The following ST13 variants were observed in gnomAD, a reference collection of about 807,000 sequenced individuals.
ST13 encodes the protein ST13 Hsp70 interacting protein.
ST13 carries 23 observed loss-of-function variants against 56.7 expected under a neutral mutation model. That is an observed-to-expected ratio of 0.41 (90% CI 0.29 to 0.57). The LOEUF is 0.57. Among genes scored for constraint, ST13 ranks in the 20% least tolerant of loss-of-function variants. The probability of loss-of-function intolerance (pLI) is 0.36; values close to 1 mark genes in which losing one functional copy is unlikely to be tolerated. For missense variants in ST13, 369 were observed against 459.9 expected, an observed-to-expected ratio of 0.80 and a Z score of 1.81; for synonymous variants, 132 against 142.4, an observed-to-expected ratio of 0.93 and a Z score of 0.52.
intron 10 of ST13, among the ~76,000 whole-genome samples, chr22:40,828,228 A>G (rs1204055999): frequency 6.6e-6 from 1 of 152,214 alleles, no homozygotes; most frequent in Non-Finnish European, 1.5e-5. Flanking sequence ...TTGTTCGATT[A>G]TAAACCCAAA....
rs1012822933 is a variant in ST13, at chr22:40,835,805, G to T, written c.465C>A (p.Ala155=). 1.9e-6 allele frequency: 3 copies of T among 1,613,582 alleles called. No homozygotes were observed. The African/African-American group carries it at 4.0e-5, about 22-fold the overall frequency. Residue 155 remains alanine (A), a splice_region_variant and synonymous_variant, in exon 6 of 12, where the codon GCC becomes GCA. Transcript: ENST00000216218. ...GCTTTTCTGTTTAGAGTTCTCACCTGGCCCTCTTGGCATACAAAATGGCCA... is the reference window on the plus strand; with the variant it reads ...GCTTTTCTGTTTAGAGTTCTCACCTTGCCCTCTTGGCATACAAAATGGCCA... ...PRLAILYAKR[A]SVFVKLQKPN... is the part of the protein sequence containing the mutation.
chr22:40,854,227 G>C (rs904073148), intron 1 of ST13, among the ~76,000 whole-genome samples: 3 of 152,132 alleles, frequency 2.0e-5, no homozygotes, highest in Non-Finnish European at 2.9e-5. Flanking sequence ...CCACAATCTC[G>C]AACTGCAGAC....
intron 7 of ST13, 183 bp downstream of exon 7, chr22:40,835,377 C>CT (rs574474442): frequency 8.2e-3 from 3,482 of 425,480 alleles, no homozygotes; most frequent in Middle Eastern, 0.015. Context: ...TTTTAAATTT[C>CT]TTTTTTTTTT....
rs374255898 is a variant in ST13, at chr22:40,827,235, A to T, written c.848-6T>A. 21 of 1,613,392 alleles carry T rather than the reference A, an allele frequency of 1.3e-5. No individual in the cohort carries two copies. The highest frequency in any genetic ancestry group is 1.8e-5 in the Non-Finnish European group (21 of 1,179,786). ...CATTCCCCCAGGAAAGCCACCTGTA[A>T]TAAAAAATGAATAGACACTAATCAT... On this transcript the variant is annotated splice_region_variant and splice_polypyrimidine_tract_variant and intron_variant, in intron 10 of 11. Transcript: ENST00000216218.
intron 10 of ST13, 46 bp downstream of exon 10, chr22:40,829,580 C>A: frequency 1.1e-6 from 1 of 910,564 alleles, no homozygotes; most frequent in Non-Finnish European, 1.5e-6. Context: ...ATTAAAATAT[C>A]ACTGTATAAT....
intron 9 of ST13, among the ~76,000 whole-genome samples, chr22:40,830,128 C>A (rs917010966): frequency 9.9e-5 from 15 of 151,946 alleles, no homozygotes; most frequent in African/African-American, 3.4e-4. Flanking sequence ...AAATAAATAT[C>A]CCTCATATGT....
intron 7 of ST13, among the ~76,000 whole-genome samples, chr22:40,834,425 G>A (rs144140635): frequency 2.6e-5 from 4 of 152,076 alleles, no homozygotes; most frequent in South Asian, 2.1e-4. Context: ...GTAAAACTAG[G>A]ACAAAAATTT....
chr22:40,842,785 A>G (rs759440823), intron 4 of ST13, among the ~76,000 whole-genome samples: 36 of 152,250 alleles, frequency 2.4e-4, no homozygotes, highest in Non-Finnish European at 4.8e-4. Context: ...ATCAATAAAC[A>G]TAACATTTAA....
At position 40,851,653 on chromosome 22, in the gene ST13, G is replaced by A. The variant is rs568557733; in HGVS notation, c.111-773C>T. 5.9e-5 allele frequency among the ~76,000 whole-genome samples: 9 copies of A among 152,152 alleles called. No individual in the cohort carries two copies. The East Asian group carries it at 1.4e-3, about 23-fold the overall frequency. ...GCACTCCACAACAGTTGGAAGCAAC[G>A]TAGACATTATTAAAATTTGCCTTAA... On this transcript the variant is annotated intron_variant, in intron 1 of 11. Coordinates refer to ENST00000216218, the MANE Select transcript of ST13 (RefSeq NM_003932.5).
chr22:40,842,478 T>C (rs552346228), intron 4 of ST13, among the ~76,000 whole-genome samples: 2 of 152,226 alleles, frequency 1.3e-5, no homozygotes, highest in Admixed American at 1.3e-4. Context: ...TCAAAAAGAT[T>C]TGAAGTACCA....
At chr22:40,848,417 G>T (rs780296886) in intron 2 of ST13, 48 bp from the exon 3 acceptor site, 2 of 1,216,946 alleles carry the variant, frequency 1.6e-6, no homozygotes, top group Admixed American at 1.7e-5. Context: ...ATAACATACC[G>T]AATATTTATA....
At chr22:40,827,052 T>G in intron 11 of ST13, 44 bp downstream of exon 11, 1 of 1,587,856 alleles carries the variant, frequency 6.3e-7, no homozygotes, top group Non-Finnish European at 8.6e-7. Flanking sequence ...ATGAAAGAAT[T>G]GCCTTAATGA....
At chr22:40,854,377 TGCCATGATGCTTCACCCCATACTTCA>T (rs1474984183) in intron 1 of ST13, among the ~76,000 whole-genome samples, 2 of 152,222 alleles carry the variant, frequency 1.3e-5, no homozygotes, top group Non-Finnish European at 1.5e-5. Context: ...TCCCTACATA[TGCCATGATGCTTCACCCCATACTTCA>T]GCCAACTCAG....
In ST13 at chr22:40,848,288, C is replaced by A; in HGVS notation, c.244+6G>T. 6.2e-7 allele frequency: 1 copy of A among 1,607,324 alleles called. No homozygotes were observed. The highest frequency in any genetic ancestry group is 8.5e-7 in the Non-Finnish European group (1 of 1,173,942). ...TTCAAATACAAACTAACTACCGTCTCCTCACCTAGATCACTTTCCTCACTT... is the reference window on the plus strand; with the variant it reads ...TTCAAATACAAACTAACTACCGTCTACTCACCTAGATCACTTTCCTCACTT... On this transcript the variant is annotated splice_donor_region_variant and intron_variant, in intron 3 of 11. Coordinates refer to ENST00000216218, the MANE Select transcript of ST13 (RefSeq NM_003932.5).
chr22:40,854,822 T>G (rs376980495), intron 1 of ST13, among the ~76,000 whole-genome samples: 1 of 152,226 alleles, frequency 6.6e-6, no homozygotes, highest in African/African-American at 2.4e-5. Context: ...CTTAAGGCTT[T>G]TGGATCATCA....
intron 8 of ST13, among the ~76,000 whole-genome samples, chr22:40,831,621 G>A (rs2057754431): frequency 6.6e-6 from 1 of 151,990 alleles, no homozygotes; most frequent in African/African-American, 2.4e-5. Context: ...ATTTTAAGAA[G>A]AAAACAGAAA....
chr22:40,845,251 G>A (rs946499241), intron 3 of ST13, among the ~76,000 whole-genome samples: 1 of 152,094 alleles, frequency 6.6e-6, no homozygotes, highest in African/African-American at 2.4e-5. Flanking sequence ...TCTACACACT[G>A]ATGTACTATG....
intron 7 of ST13, among the ~76,000 whole-genome samples, chr22:40,833,992 G>T (rs2057765923): frequency 6.6e-6 from 1 of 152,050 alleles, no homozygotes; most frequent in African/African-American, 2.4e-5. Flanking sequence ...TATATTCTAA[G>T]AATAAGAACA....
chr22:40,856,111 C>G (rs529024745), intron 1 of ST13, among the ~76,000 whole-genome samples: 2 of 152,270 alleles, frequency 1.3e-5, no homozygotes, highest in South Asian at 4.1e-4. Flanking sequence ...AACAACCCCA[C>G]GCAAAATCTA....
Sources: gnomAD v4.1 joint callset for allele counts (sites outside exome capture counted in the v4.1 genomes callset) on GRCh38, gnomAD v4.1.1 for gene constraint, MANE v1.5 for transcripts, NCBI Gene and HGNC (gene_info 2026-07-23, HGNC 2026-07-21) for gene names.